DPRX: variants seen among roughly 807,000 people sequenced by gnomAD.
The protein encoded by DPRX is divergent paired-related homeobox.
Under a neutral mutation model 8.4 loss-of-function variants are expected in DPRX, and 11 were observed. The observed-to-expected ratio is 1.31, with a 90% CI of 0.82 to 2.17. The LOEUF (loss-of-function observed/expected upper bound fraction) is 2.17. Among genes scored for constraint, DPRX ranks in the 30% most tolerant of loss-of-function variants. The pLI, the probability that DPRX is intolerant of heterozygous loss-of-function variation, is 0.00. For synonymous variants in DPRX, 72 were observed against 87.0 expected (o/e 0.83, Z 0.96); for missense variants, 211 against 236.7 (o/e 0.89, Z 0.71).
At chr19:53,628,954 C>T (rs112222022), upstream of DPRX, among the ~76,000 whole-genome samples, 1,933 of 152,084 alleles carry the variant, frequency 0.013, 52 homozygotes, top group African/African-American at 0.045. Context: ...CTCCTCCTCC[C>T]GGCCTGTCCA....
At chr19:53,632,732 C>G (rs1465982642) in intron 1 of DPRX, among the ~76,000 whole-genome samples, 1 of 152,068 alleles carries the variant, frequency 6.6e-6, no homozygotes, top group African/African-American at 2.4e-5. Flanking sequence ...GCATGAGCCT[C>G]GGTGCCCGGC....
chr19:53,623,306 C>CAAAAA, the DPRX span, among the ~76,000 whole-genome samples: 1 of 77,726 alleles, frequency 1.3e-5, no homozygotes, highest in African/African-American at 4.5e-5. Context: ...GACTCTGTCT[C>CAAAAA]AAAAAAATAA....
chr19:53,633,578 C>T (rs923429964), intron 1 of DPRX, among the ~76,000 whole-genome samples: 9 of 152,006 alleles, frequency 5.9e-5, no homozygotes, highest in Admixed American at 2.0e-4. Context: ...GGCATAATCT[C>T]GGCTCACCAC....
the DPRX span, among the ~76,000 whole-genome samples, chr19:53,601,700 C>T: frequency 1.8e-4 from 27 of 151,860 alleles, no homozygotes; most frequent in Non-Finnish European, 3.1e-4. Flanking sequence ...CAGGCTGGTC[C>T]CGAACTCCTC....
chr19:53,626,005 C>G, the DPRX span, among the ~76,000 whole-genome samples: 1 of 152,018 alleles, frequency 6.6e-6, no homozygotes, highest in African/African-American at 2.4e-5. Flanking sequence ...GGCATAATCT[C>G]GGCTCACTGC....
upstream of DPRX, among the ~76,000 whole-genome samples, chr19:53,627,209 A>G (rs997516304): frequency 6.6e-6 from 1 of 152,092 alleles, no homozygotes. Flanking sequence ...TGAGAATGAT[A>G]ATATACAGCT....
chr19:53,619,062 T>G, the DPRX span, among the ~76,000 whole-genome samples: 2 of 152,136 alleles, frequency 1.3e-5, no homozygotes, highest in Non-Finnish European at 2.9e-5. Context: ...TTTACATCCC[T>G]GTTGATTGTA....
the DPRX span, among the ~76,000 whole-genome samples, chr19:53,613,522 T>C: frequency 6.6e-6 from 1 of 151,638 alleles, no homozygotes; most frequent in Non-Finnish European, 1.5e-5. Context: ...TAATTTTTTT[T>C]TTTTTTTTGT....
the DPRX span, among the ~76,000 whole-genome samples, chr19:53,607,593 T>C: frequency 6.6e-6 from 1 of 151,572 alleles, no homozygotes; most frequent in East Asian, 1.9e-4. Flanking sequence ...GGTTCACACC[T>C]GTAATCCCAG....
intron 2 of DPRX, among the ~76,000 whole-genome samples, chr19:53,636,019 G>A (rs779178850): frequency 6.6e-6 from 1 of 152,096 alleles, no homozygotes; most frequent in Non-Finnish European, 1.5e-5. Flanking sequence ...GGATGTAAGT[G>A]GCCAAGCTGT....
chr19:53,619,696 A>AAC, the DPRX span, among the ~76,000 whole-genome samples: 27 of 150,432 alleles, frequency 1.8e-4, no homozygotes, highest in African/African-American at 6.6e-4. Flanking sequence ...AAAACAAAAA[A>AAC]CAGAAAAAAT....
At chr19:53,604,843 C>CAAA in the DPRX span, among the ~76,000 whole-genome samples, 1 of 94,638 alleles carries the variant, frequency 1.1e-5, no homozygotes. Context: ...ACTCTGTCTC[C>CAAA]AAAAAAAAAA....
At chr19:53,617,718 T>C in the DPRX span, among the ~76,000 whole-genome samples, 3 of 152,128 alleles carry the variant, frequency 2.0e-5, no homozygotes, top group Admixed American at 6.6e-5. Flanking sequence ...AGGAAGTGTA[T>C]TGAAGCTTGG....
intron 1 of DPRX, among the ~76,000 whole-genome samples, 172 bp downstream of exon 1, chr19:53,632,306 TTTTG>T (rs1241743752): frequency 1.3e-5 from 2 of 151,964 alleles, no homozygotes; most frequent in Non-Finnish European, 2.9e-5. Context: ...TTTTGTTTTG[TTTTG>T]TTTGTCTTTT....
rs138602945 is a variant in DPRX at position 53,636,177 on chromosome 19, C to T, written c.184-419C>T. Among the ~76,000 whole-genome samples the T allele has an allele frequency of 3.9e-3, 596 of 152,032 alleles. 4 individuals carry two copies. Among genetic ancestry groups the T allele is most frequent in the African/African-American group, 0.014 (574 of 41,472 alleles). On this transcript the variant is annotated intron_variant, in intron 2 of 2. Coordinates refer to ENST00000376650, the Ensembl canonical transcript of DPRX. ...GGTCAGGAGTTCGAGACCAGCCTGG[C>T]CAATATGGTGAAACCCTGTCTGTAC...
the DPRX span, among the ~76,000 whole-genome samples, chr19:53,618,320 A>G: frequency 6.6e-6 from 1 of 152,186 alleles, no homozygotes; most frequent in Admixed American, 6.6e-5. Context: ...AGAACTCTGG[A>G]CAGCTGGTCA....
Position 53,636,748 on chromosome 19 carries a change from C to T in DPRX, c.336C>T (p.Asn112=), listed in dbSNP as rs575979078. ...CAGACACACTACCCAGATTGCCCAACGCTGCTCACCCGATCGGCCTGGTGT... is the reference window on the plus strand; with the variant it reads ...CAGACACACTACCCAGATTGCCCAATGCTGCTCACCCGATCGGCCTGGTGT... Residue 112 remains asparagine, a synonymous_variant, in exon 3 of 3, where the codon AAC becomes AAT. Coordinates refer to ENST00000376650, the Ensembl canonical transcript of DPRX. 1.6e-5 allele frequency: 26 copies of T among 1,614,194 alleles called. No homozygotes were observed. In the Admixed American group the frequency reaches 1.8e-4, roughly 11 times the overall value.
At chr19:53,631,299 T>C (rs764002206), upstream of DPRX, among the ~76,000 whole-genome samples, 1 of 149,520 alleles carries the variant, frequency 6.7e-6, no homozygotes, top group South Asian at 2.1e-4. Context: ...TCTAAATAAA[T>C]AAATAAATAA....
the DPRX span, chr19:53,617,385 C>G: frequency 2.3e-6 from 1 of 435,622 alleles, no homozygotes; most frequent in Non-Finnish European, 4.3e-6. Flanking sequence ...ATGGTAAAAC[C>G]CCATCCCTAC....
Sources: gnomAD v4.1 joint callset for allele counts (sites outside exome capture counted in the v4.1 genomes callset) on GRCh38, gnomAD v4.1.1 for gene constraint, MANE v1.5 for transcripts, NCBI Gene and HGNC (gene_info 2026-07-23, HGNC 2026-07-21) for gene names.